COL17A1: variants seen among roughly 807,000 people sequenced by gnomAD.
The protein encoded by COL17A1 is collagen alpha-1(XVII) chain.
Under a neutral mutation model 218.4 loss-of-function variants are expected in COL17A1, and 181 were observed. The observed-to-expected ratio is 0.83, with a 90% CI of 0.73 to 0.94. COL17A1 has a LOEUF of 0.94. Among genes scored for constraint, COL17A1 ranks in the 40% least tolerant of loss-of-function variants. The pLI, the probability that COL17A1 is intolerant of heterozygous loss-of-function variation, is 0.00. For synonymous variants in COL17A1, 721 were observed against 731.0 expected (o/e 0.99, Z 0.22); for missense variants, 1,924 against 1,945.9 (o/e 0.99, Z 0.21).
At chr10:104,074,059 G>T (rs1030497468) in intron 6 of COL17A1, 125 bp downstream of exon 6, 4 of 1,487,534 alleles carry the variant, frequency 2.7e-6, no homozygotes, top group Non-Finnish European at 3.7e-6. Flanking sequence ...GTCAGCAGGG[G>T]TCAAACTCTT....
intron 9 of COL17A1, among the ~76,000 whole-genome samples, chr10:104,068,591 A>G (rs1378208592): frequency 6.6e-6 from 1 of 152,264 alleles, no homozygotes; most frequent in Non-Finnish European, 1.5e-5. Flanking sequence ...ATGCCTGTGG[A>G]ATAGTACACA....
chr10:104,036,674 T>C, intron 47 of COL17A1, 42 bp from the exon 48 acceptor site: 2 of 1,609,392 alleles, frequency 1.2e-6, no homozygotes, highest in East Asian at 2.2e-5. Flanking sequence ...ACCCAGGCCA[T>C]GGGGGTCGCA....
Position 104,062,261 on chromosome 10 carries a change from T to C in COL17A1, c.907A>G (p.Thr303Ala). Residue 303 changes from threonine (T) to alanine (A), a missense_variant, in exon 12 of 56, where the codon ACA becomes GCA. Coordinates refer to ENST00000648076, the MANE Select transcript of COL17A1 (RefSeq NM_000494.4). ...TLSHGTTTTS[T>A]AYGVKKNMPQ... is the part of the protein sequence containing the mutation. ...GCTCCAACCCTAGCCTACTGACCTG[T>C]GGAAGTGGTGGTGGTGCCATGGGAC... 6.2e-7 allele frequency: 1 copy of C among 1,614,202 alleles called. No homozygotes were observed.
chr10:104,035,228 C>A, intron 50 of COL17A1, 35 bp downstream of exon 50: 3 of 1,574,242 alleles, frequency 1.9e-6, no homozygotes, highest in Non-Finnish European at 2.6e-6. Flanking sequence ...CGGCTGCATC[C>A]CCTGCCCTCC....
intron 33 of COL17A1, among the ~76,000 whole-genome samples, chr10:104,044,482 C>T (rs190868584): frequency 7.2e-4 from 110 of 152,324 alleles, no homozygotes; most frequent in Non-Finnish European, 1.1e-3. Flanking sequence ...TGACAATCCA[C>T]GGACTCACTT....
chr10:104,041,100 G>A lies in COL17A1; in HGVS notation c.2666C>T (p.Pro889Leu), dbSNP rs752557827. The A allele has an allele frequency of 1.9e-6, 3 of 1,613,836 alleles. No individual in the cohort carries two copies. The highest frequency in any genetic ancestry group is 2.5e-6 in the Non-Finnish European group (3 of 1,179,900). Residue 889 changes from proline (P) to leucine (L), a missense_variant, in exon 39 of 56, where the codon CCA (proline) becomes CTA (leucine). Physicochemically the swap from Pro to Leu is moderately conservative, Grantham distance 98. Transcript: ENST00000648076. ...RGPPGEGLPG[P>L]PGPPGSFLSN... The stretch of plus-strand genomic sequence containing the variant: ...CAGGAACGATCCTGGTGGGCCTGGT[G>A]GGCCTGGCAAACCCTCCCCTAGGAA...
At chr10:104,061,373 C>A (rs1195775163) in intron 13 of COL17A1, 32 bp downstream of exon 13, 3 of 1,605,122 alleles carry the variant, frequency 1.9e-6, no homozygotes, top group Non-Finnish European at 1.7e-6. Flanking sequence ...TGTGCACCAG[C>A]CTGAACCCTG....
At chr10:104,055,718 C>T in intron 18 of COL17A1, 64 bp downstream of exon 18, 1 of 1,599,032 alleles carries the variant, frequency 6.3e-7, no homozygotes, top group South Asian at 1.1e-5. Context: ...TGCACACATA[C>T]CACATAGATG....
chr10:104,034,388 ACTTGGGAGTTAGG>A (rs2134564813), intron 51 of COL17A1, 54 bp from the exon 52 acceptor site: 1 of 1,521,926 alleles, frequency 6.6e-7, no homozygotes, highest in African/African-American at 1.4e-5. Context: ...GGAGAGAAAG[ACTTGGGAGTTAGG>A]GAGTCTCTCC....
intron 10 of COL17A1, 49 bp from the exon 11 acceptor site, chr10:104,063,867 A>C: frequency 6.2e-7 from 1 of 1,611,390 alleles, no homozygotes; most frequent in Non-Finnish European, 8.5e-7. Flanking sequence ...TGGCCCAGAT[A>C]GGGATAGAGA....
chr10:104,040,848 C>A (rs1405514301), intron 39 of COL17A1, among the ~76,000 whole-genome samples: 1 of 152,224 alleles, frequency 6.6e-6, no homozygotes, highest in Non-Finnish European at 1.5e-5. Flanking sequence ...AAGGGCAGAG[C>A]TGGCTCCCTC....
At chr10:104,074,673 G>T (rs1440748419) in intron 5 of COL17A1, among the ~76,000 whole-genome samples, 3 of 152,168 alleles carry the variant, frequency 2.0e-5, no homozygotes, top group Non-Finnish European at 4.4e-5. Flanking sequence ...CCCTGGTCAG[G>T]CCCGACCTCA....
At position 104,078,567 on chromosome 10, in the gene COL17A1, G is replaced by T. The variant is rs2086732272; in HGVS notation, c.72C>A (p.Thr24=). ...VTERIVTETV[T]TRLTSLPPKG... is the part of the protein sequence containing the mutation. ...TTGGTGGTAAGGATGTAAGTCTTGTGGTTACTGTTTCAGTGACAACTAGAA... is the reference window on the plus strand; with the variant it reads ...TTGGTGGTAAGGATGTAAGTCTTGTTGTTACTGTTTCAGTGACAACTAGAA... Residue 24 remains threonine (T), a synonymous_variant, in exon 3 of 56, where the codon ACC becomes ACA. Transcript: ENST00000648076. 1 of 1,613,996 alleles carries T rather than the reference G, an allele frequency of 6.2e-7. No homozygotes were observed. The highest frequency in any genetic ancestry group is 1.7e-5 in the Admixed American group (1 of 59,994).
intron 44 of COL17A1, 106 bp from the exon 45 acceptor site, chr10:104,038,634 G>A (rs2086327142): frequency 7.2e-7 from 1 of 1,393,574 alleles, no homozygotes; most frequent in Non-Finnish European, 1.0e-6. Flanking sequence ...CTTCTCAGGA[G>A]GAGAAATAGG....
intron 52 of COL17A1, 109 bp from the exon 53 acceptor site, chr10:104,033,484 T>A: frequency 1.5e-6 from 2 of 1,338,522 alleles, no homozygotes; most frequent in Non-Finnish European, 2.1e-6. Flanking sequence ...TTGAACTAGA[T>A]CAAGCCGCAG....
chr10:104,080,118 AT>A, intron 2 of COL17A1, among the ~76,000 whole-genome samples: 1 of 152,168 alleles, frequency 6.6e-6, no homozygotes, highest in East Asian at 1.9e-4. Context: ...TATTGGAGAT[AT>A]ATGAAAGTCA....
chr10:104,057,658 A>T (rs1276202814), intron 16 of COL17A1, among the ~76,000 whole-genome samples: 2 of 151,544 alleles, frequency 1.3e-5, no homozygotes, highest in Admixed American at 1.3e-4. Flanking sequence ...AATTATACTC[A>T]GCTCTTCAGG....
chr10:104,032,672 A>T lies in COL17A1; in HGVS notation c.4438+2T>A. ...GCAAAACGTGGAGCAGTCAACACTT[A>T]CCTTTGTCTCCTTTTTCTCCCTTGT... is the stretch of plus-strand genomic sequence containing the variant. On this transcript the variant is annotated splice_donor_variant, in intron 55 of 55. Coordinates refer to ENST00000648076, the MANE Select transcript of COL17A1 (RefSeq NM_000494.4). LOFTEE classifies it high-confidence loss of function. 6.2e-7 allele frequency: 1 copy of T among 1,613,858 alleles called. No homozygotes were observed. Among genetic ancestry groups the T allele is most frequent in the Non-Finnish European group, 8.5e-7 (1 of 1,179,856 alleles).
In COL17A1 at chr10:104,032,099, A is replaced by G; in HGVS notation, c.*136T>C. ...AGTATATATTGTTCAGACTAAAACA[A>G]ATGTTGCTAGCTAGGTTGGCTGTGC... On this transcript the variant is annotated 3_prime_UTR_variant, in exon 56 of 56. Transcript: ENST00000648076. 4.2e-6 allele frequency: 3 copies of G among 714,920 alleles called. No individual in the cohort carries two copies. The highest frequency in any genetic ancestry group is 7.6e-6 in the Non-Finnish European group (3 of 393,822). The allele number at this position is 714,920 out of a possible 1,614,324, so 44.3% of individuals were successfully genotyped here. A position where few individuals can be genotyped will look rare whatever the true frequency, so the allele number is the denominator to read the frequency against.
Sources: gnomAD v4.1 joint callset for allele counts (sites outside exome capture counted in the v4.1 genomes callset) on GRCh38, gnomAD v4.1.1 for gene constraint, MANE v1.5 for transcripts, NCBI Gene and HGNC (gene_info 2026-07-23, HGNC 2026-07-21) for gene names.